MUCL3: variants seen among roughly 807,000 people sequenced by gnomAD.
The protein encoded by MUCL3 is mucin-like protein 3.
In MUCL3, 42 loss-of-function variants were observed where a neutral mutation model predicts 70.2. That is an observed-to-expected ratio of 0.60 (90% CI 0.47 to 0.77). The LOEUF (loss-of-function observed/expected upper bound fraction) is 0.77. Among genes scored for constraint, MUCL3 ranks in the 30% least tolerant of loss-of-function variants. MUCL3 has a pLI of 0.00. For synonymous variants in MUCL3, 522 were observed against 647.0 expected, an observed-to-expected ratio of 0.81 and a Z score of 2.93; for missense variants, 1,429 against 1,670.0, an observed-to-expected ratio of 0.86 and a Z score of 2.52.
At position 30,952,146 on chromosome 6, in the gene MUCL3, T is replaced by C; in HGVS notation, c.3682T>C (p.Ser1228Pro). Residue 1228 changes from serine to proline, a missense_variant, in exon 2 of 3, where the codon TCC becomes CCC. Transcript: ENST00000462446. ...TGAGACCATAAAAGCCCCAGTAAAG[T>C]CCACAGAAAACCCAGAAAAAACAGC... ...TTETIKAPVK[S>P]TENPEKTAAV... is the part of the protein sequence containing the mutation. 6.2e-7 allele frequency: 1 copy of C among 1,610,086 alleles called. No homozygotes were observed. The highest frequency in any genetic ancestry group is 8.5e-7 in the Non-Finnish European group (1 of 1,178,556).
chr6:30,941,396 A>G (rs1795564797), intron 1 of MUCL3, among the ~76,000 whole-genome samples: 1 of 150,700 alleles, frequency 6.6e-6, no homozygotes, highest in Non-Finnish European at 1.5e-5. Context: ...TTCATTGAGC[A>G]CCGTGCACGG....
Position 30,952,487 on chromosome 6 carries a change from C to A in MUCL3, c.4023C>A (p.Gly1341=), listed in dbSNP as rs188616708. ...TGATTCTCCTCCTGGTGTTCCTTGG[C>A]CTGATCTTCTTGGTAAGGGACAGAT... The part of the protein sequence containing the change: ...VAVILLLVFL[G]LIFLVSYMMR... The change falls in exon 2 of 3, where the codon GGC becomes GGA. Residue 1341 remains glycine, a synonymous_variant. Coordinates refer to ENST00000462446, the MANE Select transcript of MUCL3 (RefSeq NM_080870.4). 6 of 1,599,604 alleles carry A rather than the reference C, an allele frequency of 3.8e-6. No individual in the cohort carries two copies. The highest frequency in any genetic ancestry group is 4.3e-6 in the Non-Finnish European group (5 of 1,173,810).
At position 30,941,073 on chromosome 6, in the gene MUCL3, G is replaced by C. The variant is rs765315692; in HGVS notation, c.74G>C (p.Trp25Ser). The C allele has an allele frequency of 7.1e-5, 110 of 1,550,072 alleles. No homozygotes were observed. In the Middle Eastern group the frequency reaches 8.3e-4, roughly 12 times the overall value. Residue 25 changes from tryptophan to serine, a missense_variant, in exon 1 of 3, where the codon TGG becomes TCG. Coordinates refer to ENST00000462446, the MANE Select transcript of MUCL3 (RefSeq NM_080870.4). ...TGCCTCCTCTTCCTTCTAGCTTCTTGGGGGGCAGGTAAGATGCCCACAGGG... is the reference window on the plus strand; with the variant it reads ...TGCCTCCTCTTCCTTCTAGCTTCTTCGGGGGCAGGTAAGATGCCCACAGGG... ...QCCLLFLLAS[W>S]GAGATTFQEY...
rs1760503749 is a variant in MUCL3 at position 30,949,577 on chromosome 6, G to A, written c.1113G>A (p.Glu371=). 1.3e-6 allele frequency: 2 copies of A among 1,550,372 alleles called. No individual in the cohort carries two copies. Among genetic ancestry groups the A allele is most frequent in the Non-Finnish European group, 1.7e-6 (2 of 1,146,706 alleles). The part of the protein sequence containing the change: ...PTEHGERTAN[E]NTTPSPAEPT... ...AACATGGAGAAAGGACAGCCAATGA[G>A]AACACCACACCATCCCCAGCAGAGC... The change falls in exon 2 of 3, where the codon GAG becomes GAA. Residue 371 remains glutamate (E), a synonymous_variant. Transcript: ENST00000462446.
Position 30,950,270 on chromosome 6 carries a change from A to G in MUCL3, c.1806A>G (p.Thr602=). The change falls in exon 2 of 3, where the codon ACA becomes ACG. Residue 602 remains threonine, a synonymous_variant. Transcript: ENST00000462446. ...EKTTSSSAEP[T]EHEERTPLAN... ...CCACATCATCCTCAGCAGAGCCTAC[A>G]GAACACGAAGAAAGGACTCCACTGG... is the stretch of plus-strand genomic sequence containing the variant. The G allele has an allele frequency of 6.4e-7, 1 of 1,550,864 alleles. No homozygotes were observed. Among genetic ancestry groups the G allele is most frequent in the Non-Finnish European group, 8.7e-7 (1 of 1,146,864 alleles).
Position 30,953,179 on chromosome 6 carries a change from C to A in MUCL3, c.*62C>A. 1 of 1,586,038 alleles carries A rather than the reference C, an allele frequency of 6.3e-7. No individual in the cohort carries two copies. The highest frequency in any genetic ancestry group is 2.2e-5 in the East Asian group (1 of 44,712). On this transcript the variant is annotated 3_prime_UTR_variant, in exon 3 of 3. Coordinates refer to ENST00000462446, the MANE Select transcript of MUCL3 (RefSeq NM_080870.4). Reference sequence around the variant, plus strand: ...TCTGCCCCTTTCCTGGATGAGGAACCGGACTCACAATTTCTATTTCCGGGA... The same window carrying A: ...TCTGCCCCTTTCCTGGATGAGGAACAGGACTCACAATTTCTATTTCCGGGA...
At position 30,952,856 on chromosome 6, in the gene MUCL3, G is replaced by A. The variant is rs1004179059; in HGVS notation, c.4036-115G>A. On this transcript the variant is annotated intron_variant, in intron 2 of 2. Transcript: ENST00000462446. ...ACTCATTGTATTGGACCTGGAGCTG[G>A]AATAAACATCAAGGTTTGGATGGAA... is the stretch of plus-strand genomic sequence containing the variant. 1.4e-5 allele frequency: 20 copies of A among 1,399,668 alleles called. No individual in the cohort carries two copies. The African/African-American group carries it at 2.9e-4, about 20-fold the overall frequency. The allele number at this position is 1,399,668 out of a possible 1,614,324, so 86.7% of individuals were successfully genotyped here.
In MUCL3 at chr6:30,951,614, G is replaced by A. The variant is rs3094086; in HGVS notation, c.3150G>A (p.Ser1050=). The A allele has an allele frequency of 0.13, 197,893 of 1,543,196 alleles. 15,083 individuals carry two copies. Among genetic ancestry groups the A allele is most frequent in the Non-Finnish European group, 0.15 (175,787 of 1,144,772 alleles). ...KPTEHEEMTP[S]ANENTTPSPV... ...CAGAACACGAAGAAATGACCCCATC[G>A]GCCAATGAGAACACCACACCATCCC... Residue 1050 remains serine (S), a synonymous_variant, in exon 2 of 3, where the codon TCG becomes TCA. Transcript: ENST00000462446.
Position 30,949,787 on chromosome 6 carries a change from T to C in MUCL3, c.1323T>C (p.Pro441=), listed in dbSNP as rs1203906986. The change falls in exon 2 of 3, where the codon CCT becomes CCC. Residue 441 remains proline, a synonymous_variant. Coordinates refer to ENST00000462446, the MANE Select transcript of MUCL3 (RefSeq NM_080870.4). The stretch of plus-strand genomic sequence containing the variant: ...ACACCACACCATCCCCAGCAGAGCC[T>C]ACAGAAAATAGAGAAAGGACAGCCA... ...NENTTPSPAE[P]TENRERTANE... The C allele has an allele frequency of 6.5e-7, 1 of 1,546,172 alleles. No homozygotes were observed. The highest frequency in any genetic ancestry group is 1.4e-5 in the African/African-American group (1 of 70,764).
chr6:30,941,617 G>A (rs558646694), intron 1 of MUCL3, among the ~76,000 whole-genome samples: 15 of 151,818 alleles, frequency 9.9e-5, no homozygotes, highest in African/African-American at 3.4e-4. Flanking sequence ...CTGCCACCAC[G>A]CCTGGCTCAT....
chr6:30,953,045 C>T lies in MUCL3; in HGVS notation c.4110C>T (p.Gly1370=), dbSNP rs977086671. ...TQYNDAEDEG[G]PNSYPVYLME... ...ACAATGATGCAGAGGATGAGGGTGG[C>T]CCCAATTCCTACCCGGTCTACCTGA... The change falls in exon 3 of 3, where the codon GGC becomes GGT. Residue 1370 remains glycine (G), a synonymous_variant. Coordinates refer to ENST00000462446, the MANE Select transcript of MUCL3 (RefSeq NM_080870.4). The T allele has an allele frequency of 1.4e-5, 22 of 1,614,122 alleles. No individual in the cohort carries two copies. The highest frequency in any genetic ancestry group is 8.5e-7 in the Non-Finnish European group (1 of 1,180,046).
At position 30,951,476 on chromosome 6, in the gene MUCL3, T is replaced by G; in HGVS notation, c.3012T>G (p.His1004Gln). The G allele has an allele frequency of 1.3e-6, 2 of 1,542,918 alleles. No homozygotes were observed. The highest frequency in any genetic ancestry group is 1.7e-6 in the Non-Finnish European group (2 of 1,145,380). ...CATCCCCAACAGAGTCTACAGAACA[T>G]GGAGAAAGGACAGCCAATGAGAAGA... ...TTTSPTESTE[H>Q]GERTANEKTT... Residue 1004 changes from histidine (H) to glutamine (Q), a missense_variant, in exon 2 of 3, where the codon CAT becomes CAG. His to Gln is a conservative substitution (Grantham distance 24, BLOSUM62 0). Coordinates refer to ENST00000462446, the MANE Select transcript of MUCL3 (RefSeq NM_080870.4).
intron 1 of MUCL3, among the ~76,000 whole-genome samples, chr6:30,947,898 AC>A (rs1760381052): frequency 1.3e-5 from 2 of 151,344 alleles, no homozygotes; most frequent in African/African-American, 4.9e-5. Context: ...TACATCTCTC[AC>A]TCACAATTTG....
Position 30,948,952 on chromosome 6 carries a change from A to T in MUCL3, c.488A>T (p.Lys163Met), listed in dbSNP as rs1562489256. ...AAAAAACATATAACGCCAGCACCCA[A>T]GAGCAAAATAAACTGTCGTAAGTCC... Reference protein sequence around the residue: ...AGKKHITPAPKSKINCRKSTT... With the variant: ...AGKKHITPAPMSKINCRKSTT... Residue 163 changes from lysine to methionine, a missense_variant, in exon 2 of 3, where the codon AAG becomes ATG. Physicochemically the swap from Lys to Met is moderately conservative, Grantham distance 95. Coordinates refer to ENST00000462446, the MANE Select transcript of MUCL3 (RefSeq NM_080870.4). The T allele has an allele frequency of 6.4e-7, 1 of 1,551,282 alleles. No homozygotes were observed. Among genetic ancestry groups the T allele is most frequent in the Non-Finnish European group, 8.7e-7 (1 of 1,146,928 alleles).
At position 30,952,187 on chromosome 6, in the gene MUCL3, T is replaced by A. The variant is rs1760743701; in HGVS notation, c.3723T>A (p.Thr1241=). The change falls in exon 2 of 3, where the codon ACT becomes ACA. Residue 1241 remains threonine (T), a synonymous_variant. Coordinates refer to ENST00000462446, the MANE Select transcript of MUCL3 (RefSeq NM_080870.4). ...NPEKTAAVTK[T]IKPSVKVTGD... ...AAAAAACAGCAGCAGTCACAAAGAC[T>A]ATAAAACCTTCAGTCAAGGTCACAG... 2 of 1,613,752 alleles carry A rather than the reference T, an allele frequency of 1.2e-6. 1 individual carries two copies. Among genetic ancestry groups the A allele is most frequent in the Non-Finnish European group, 1.7e-6 (2 of 1,179,984 alleles).
In MUCL3 at chr6:30,949,978, C is replaced by G; in HGVS notation, c.1514C>G (p.Thr505Ser). 2 of 1,549,086 alleles carry G rather than the reference C, an allele frequency of 1.3e-6. No individual in the cohort carries two copies. Among genetic ancestry groups the G allele is most frequent in the Non-Finnish European group, 1.7e-6 (2 of 1,146,614 alleles). The change falls in exon 2 of 3, where the codon ACC becomes AGC. Residue 505 changes from threonine (T) to serine (S), a missense_variant. Physicochemically the swap from Thr to Ser is moderately conservative, Grantham distance 58. Transcript: ENST00000462446. ...PAEPTENGQR[T>S]PFANEKTTSS... ...GAGCCTACAGAAAATGGACAAAGGA[C>G]CCCATTTGCCAATGAGAAAACCACA...
rs1446148660 is a variant in MUCL3, at chr6:30,948,886, A to G, written c.422A>G (p.Asp141Gly). 4 of 1,551,290 alleles carry G rather than the reference A, an allele frequency of 2.6e-6. No homozygotes were observed. In the Admixed American group the frequency reaches 5.9e-5, roughly 23 times the overall value. Residue 141 changes from aspartate (D) to glycine (G), a missense_variant, in exon 2 of 3, where the codon GAT becomes GGT. Transcript: ENST00000462446. ...DPMIRNQRSV[D>G]PADSTTTHKE... ...ATGATCCGGAACCAGCGCTCTGTTG[A>G]TCCTGCTGACTCCACTACCACACAT...
chr6:30,941,014 C>T lies in MUCL3; in HGVS notation c.15C>T (p.Val5=), dbSNP rs969047590. The change falls in exon 1 of 3, where the codon GTC becomes GTT. Residue 5 remains valine (V), a synonymous_variant. Transcript: ENST00000462446. MAQP[V]HSLCSAFGLQ... ...CCAGCTCCGACATGGCCCAGCCGGT[C>T]CACAGCCTCTGCTCCGCCTTTGGCC... The T allele has an allele frequency of 6.5e-7, 1 of 1,550,232 alleles. No individual in the cohort carries two copies. Among genetic ancestry groups the T allele is most frequent in the Non-Finnish European group, 8.7e-7 (1 of 1,146,988 alleles).
chr6:30,942,054 T>C (rs778426677), intron 1 of MUCL3, among the ~76,000 whole-genome samples: 14 of 152,258 alleles, frequency 9.2e-5, no homozygotes, highest in Middle Eastern at 3.4e-3. Context: ...GTACCAGTAT[T>C]TGATGCCTAC....
Sources: allele counts gnomAD v4.1 joint callset (sites outside exome capture counted in the v4.1 genomes callset), GRCh38; gene constraint gnomAD v4.1.1; transcripts MANE v1.5; gene names NCBI Gene and HGNC (gene_info 2026-07-23, HGNC 2026-07-21).